The following SHROOM1 variants were observed in gnomAD, a reference collection of about 807,000 sequenced individuals.
SHROOM1 encodes the protein protein Shroom1.
A neutral mutation model predicts 64.2 loss-of-function variants in SHROOM1; 53 were observed. The ratio of observed to expected loss-of-function variants is 0.83; its 90% confidence interval spans 0.66 to 1.04. SHROOM1 has a LOEUF of 1.04. SHROOM1 is among the 50% of genes least tolerant of loss of function. SHROOM1 has a pLI of 0.00. For synonymous variants in SHROOM1, 490 were observed against 518.9 expected (o/e 0.94, Z 0.76); for missense variants, 1,179 against 1,163.2 (o/e 1.01, Z -0.20).
Position 132,824,669 on chromosome 5 carries a change from A to T in SHROOM1, c.1187T>A (p.Leu396Gln). Residue 396 changes from leucine to glutamine, a missense_variant, in exon 6 of 10, where the codon CTG becomes CAG. By Grantham distance (113) the Leu-to-Gln change is moderately radical. Coordinates refer to ENST00000378679, the MANE Select transcript of SHROOM1 (RefSeq NM_001172700.2). ...PDEVFLEEAP[L>Q]VRMRSPPDPH... ...GTCTGGTGGTGATCTCATTCTGACC[A>T]GTGGGGCCTCTTCTAGGAACACTTC... 6.2e-7 allele frequency: 1 copy of T among 1,613,960 alleles called. No homozygotes were observed. The highest frequency in any genetic ancestry group is 8.5e-7 in the Non-Finnish European group (1 of 1,179,980).
In SHROOM1 at chr5:132,825,767, GCGGCCTCCGCCT is replaced by G; in HGVS notation, c.362_373del (p.Glu121_Ala124del). The G allele has an allele frequency of 3.2e-6, 4 of 1,242,128 alleles. No individual in the cohort carries two copies. Among genetic ancestry groups the G allele is most frequent in the Non-Finnish European group, 4.0e-6 (4 of 996,270 alleles). 76.9% of individuals were successfully genotyped at this position (1,242,128 alleles called of 1,614,324 possible). On this transcript the variant is annotated inframe_deletion, in exon 4 of 10. Transcript: ENST00000378679. This position sits in a 1 kb window ranked among gnomAD's most constrained non-coding sequence, Gnocchi z 5.1. ...GCTGGGCGGCTCGGCAGCCTGCGCC[GCGGCCTCCGCCT>G]CGGCCGCCAGCGCGTACAGCAGCGG... is the stretch of plus-strand genomic sequence containing the variant.
rs368508788 is a variant in SHROOM1, at chr5:132,823,511, G to A, written c.1965C>T (p.Ala655=). The A allele has an allele frequency of 3.9e-5, 63 of 1,600,566 alleles. No individual in the cohort carries two copies. The Admixed American group carries it at 8.4e-4, about 21-fold the overall frequency. The stretch of plus-strand genomic sequence containing the variant: ...CCTGAAGCATCTTTTGGAGGCGGGC[G>A]GCCAGCTCCACCTACAGGGAAGGCT... ...NSIQGKKVEL[A]ARLQKMLQDL... Residue 655 remains alanine (A), a synonymous_variant, in exon 9 of 10, where the codon GCC becomes GCT. Coordinates refer to ENST00000378679, the MANE Select transcript of SHROOM1 (RefSeq NM_001172700.2). The surrounding 1 kb of genome is among the most constrained non-coding windows in gnomAD (Gnocchi z 4.6).
chr5:132,822,762 T>C lies in SHROOM1; in HGVS notation c.*34A>G. The C allele has an allele frequency of 8.5e-6, 13 of 1,530,808 alleles. No homozygotes were observed. The highest frequency in any genetic ancestry group is 1.4e-5 in the African/African-American group (1 of 73,152). The allele number at this position is 1,530,808 out of a possible 1,614,324, so 94.8% of individuals were successfully genotyped here. A position where few individuals can be genotyped will look rare whatever the true frequency, so the allele number is the denominator to read the frequency against. ...TCACCCCACTTACGTGGGTGAGAGATAGGGGCGGTGCACCCCACCCTCTCC... is the reference window on the plus strand; with the variant it reads ...TCACCCCACTTACGTGGGTGAGAGACAGGGGCGGTGCACCCCACCCTCTCC... On this transcript the variant is annotated 3_prime_UTR_variant, in exon 10 of 10. Coordinates refer to ENST00000378679, the MANE Select transcript of SHROOM1 (RefSeq NM_001172700.2).
chr5:132,830,204 C>T lies in SHROOM1; in HGVS notation c.-501+390G>A. ...TCGGGGAAGGATCGCGCGCAGGGGA[C>T]AGCGCGAGCCCGGGAGGGAAGGACC... On this transcript the variant is annotated intron_variant, in intron 1 of 9. Coordinates refer to ENST00000378679, the MANE Select transcript of SHROOM1 (RefSeq NM_001172700.2). This position sits in a 1 kb window ranked among gnomAD's most constrained non-coding sequence, Gnocchi z 5.9. The T allele has an allele frequency of 1.0e-6, 1 of 985,304 alleles. No homozygotes were observed. Among genetic ancestry groups the T allele is most frequent in the Non-Finnish European group, 1.2e-6 (1 of 829,890 alleles). The allele number at this position is 985,304 out of a possible 1,614,324, so 61.0% of individuals were successfully genotyped here. A position where few individuals can be genotyped will look rare whatever the true frequency, so the allele number is the denominator to read the frequency against.
At position 132,826,074 on chromosome 5, in the gene SHROOM1, A is replaced by T; in HGVS notation, c.67T>A (p.Trp23Arg). 1 of 1,443,282 alleles carries T rather than the reference A, an allele frequency of 6.9e-7. No individual in the cohort carries two copies. Among genetic ancestry groups the T allele is most frequent in the Non-Finnish European group, 9.1e-7 (1 of 1,098,792 alleles). The allele number at this position is 1,443,282 out of a possible 1,614,324, so 89.4% of individuals were successfully genotyped here. Residue 23 changes from tryptophan to arginine, a missense_variant, in exon 4 of 10, where the codon TGG becomes AGG. Coordinates refer to ENST00000378679, the MANE Select transcript of SHROOM1 (RefSeq NM_001172700.2). ...PASSTSSLDL[W>R]HLSMRADSAY... ...GAGTCCGCGCGCATGGACAGATGCC[A>T]CAGGTCCAGGCTGCTAGTGGACGAG...
rs1758800881 is a variant in SHROOM1, at chr5:132,830,010, G to A, written c.-501+584C>T. On this transcript the variant is annotated intron_variant, in intron 1 of 9. Transcript: ENST00000378679. This position sits in a 1 kb window ranked among gnomAD's most constrained non-coding sequence, Gnocchi z 5.9. ...GACACCCGGGGAGAGGCGGCCGCGG[G>A]CGTGGACAGACCCGGTTACCTGGGG... is the stretch of plus-strand genomic sequence containing the variant. 1 of 985,432 alleles carries A rather than the reference G, an allele frequency of 1.0e-6. No individual in the cohort carries two copies. The highest frequency in any genetic ancestry group is 1.2e-6 in the Non-Finnish European group (1 of 829,914). 61.0% of individuals were successfully genotyped at this position (985,432 alleles called of 1,614,324 possible).
chr5:132,823,225 C>G lies in SHROOM1; in HGVS notation c.2226+25G>C. 1 of 1,577,042 alleles carries G rather than the reference C, an allele frequency of 6.3e-7. No homozygotes were observed. The highest frequency in any genetic ancestry group is 1.1e-5 in the South Asian group (1 of 88,236). On this transcript the variant is annotated intron_variant, in intron 9 of 9. Transcript: ENST00000378679. The surrounding 1 kb of genome is among the most constrained non-coding windows in gnomAD (Gnocchi z 4.6). ...ACAGCAGGCCCCTCACCGCCCTACT[C>G]GCTTGCAACCTGAACCCCTTTTACC...
chr5:132,824,594 T>C lies in SHROOM1; in HGVS notation c.1241+21A>G, dbSNP rs745582946. On this transcript the variant is annotated intron_variant, in intron 6 of 9. Coordinates refer to ENST00000378679, the MANE Select transcript of SHROOM1 (RefSeq NM_001172700.2). Reference sequence around the variant, plus strand: ...TGTGTCAGGGGGTGCCTCACGATGCTTGGAAGCAAGAGGGAATTACCTGGC... The same window carrying C: ...TGTGTCAGGGGGTGCCTCACGATGCCTGGAAGCAAGAGGGAATTACCTGGC... 10 of 1,599,396 alleles carry C rather than the reference T, an allele frequency of 6.3e-6. No individual in the cohort carries two copies. The East Asian group carries it at 2.2e-4, about 36-fold the overall frequency.
rs185134605 is a variant in SHROOM1, at chr5:132,824,441, A to G, written c.1242-22T>C. ...GACACTGGAAGCAGAAAAGACACTG[A>G]ATCAGAAAAAGCTCCAGCCACAAAC... On this transcript the variant is annotated intron_variant, in intron 6 of 9. Coordinates refer to ENST00000378679, the MANE Select transcript of SHROOM1 (RefSeq NM_001172700.2). The G allele has an allele frequency of 6.8e-5, 104 of 1,522,792 alleles. No individual in the cohort carries two copies. The African/African-American group carries it at 1.2e-3, about 17-fold the overall frequency. The allele number at this position is 1,522,792 out of a possible 1,614,324, so 94.3% of individuals were successfully genotyped here.
chr5:132,823,410 G>A lies in SHROOM1; in HGVS notation c.2066C>T (p.Ala689Val). 1.9e-6 allele frequency: 3 copies of A among 1,611,004 alleles called. No individual in the cohort carries two copies. Among genetic ancestry groups the A allele is most frequent in the South Asian group, 2.2e-5 (2 of 91,052 alleles). Residue 689 changes from alanine (A) to valine (V), a missense_variant, in exon 9 of 10, where the codon GCA becomes GTA. Ala to Val is a moderately conservative substitution (Grantham distance 64). Coordinates refer to ENST00000378679, the MANE Select transcript of SHROOM1 (RefSeq NM_001172700.2). This position sits in a 1 kb window ranked among gnomAD's most constrained non-coding sequence, Gnocchi z 4.6. Reference sequence around the variant, plus strand: ...CTGAGGGGCACAGGCCTGGCGCACTGCAGCCTCCAGAGCCGCTTGGCGCCT... The same window carrying A: ...CTGAGGGGCACAGGCCTGGCGCACTACAGCCTCCAGAGCCGCTTGGCGCCT... ...WARRQAALEA[A>V]VRQACAPQEL...
chr5:132,825,633 G>C lies in SHROOM1; in HGVS notation c.508C>G (p.Arg170Gly). The change falls in exon 4 of 10, where the codon CGT (arginine) becomes GGT (glycine). Residue 170 changes from arginine to glycine, a missense_variant. Arg to Gly is a moderately radical substitution (Grantham distance 125). Coordinates refer to ENST00000378679, the MANE Select transcript of SHROOM1 (RefSeq NM_001172700.2). This position sits in a 1 kb window ranked among gnomAD's most constrained non-coding sequence, Gnocchi z 5.1. ...RKELRMSLPA[R>G]LRPTVPARPP... ...CGCGCTGGGACAGTGGGCCGCAGAC[G>C]GGCGGGCAGGCTCATGCGGAGCTCC... is the stretch of plus-strand genomic sequence containing the variant. The C allele has an allele frequency of 7.4e-7, 1 of 1,344,982 alleles. No homozygotes were observed. Among genetic ancestry groups the C allele is most frequent in the South Asian group, 1.9e-5 (1 of 52,548 alleles). 83.3% of individuals were successfully genotyped at this position (1,344,982 alleles called of 1,614,324 possible). A position where few individuals can be genotyped will look rare whatever the true frequency, so the allele number is the denominator to read the frequency against.
rs1158819390 is a variant in SHROOM1, at chr5:132,823,787, C to G, written c.1812-23G>C. ...GACCTGGGAACAAAACCAGAGCTCC[C>G]TGGGTTTCCTGTCCCCAACTTCAGG... is the stretch of plus-strand genomic sequence containing the variant. On this transcript the variant is annotated intron_variant, in intron 7 of 9. Transcript: ENST00000378679. The surrounding 1 kb of genome is among the most constrained non-coding windows in gnomAD (Gnocchi z 4.6). 1 of 1,537,798 alleles carries G rather than the reference C, an allele frequency of 6.5e-7. No individual in the cohort carries two copies. Among genetic ancestry groups the G allele is most frequent in the Non-Finnish European group, 8.7e-7 (1 of 1,142,888 alleles).
In SHROOM1 at chr5:132,824,187, G is replaced by A. The variant is rs758794439; in HGVS notation, c.1474C>T (p.Pro492Ser). 4 of 1,614,248 alleles carry A rather than the reference G, an allele frequency of 2.5e-6. No individual in the cohort carries two copies. In the South Asian group the frequency reaches 4.4e-5, roughly 18 times the overall value. The change falls in exon 7 of 10, where the codon CCC (proline) becomes TCC (serine). Residue 492 changes from proline (P) to serine (S), a missense_variant. Transcript: ENST00000378679. Reference protein sequence around the residue: ...IDPTGLTTNPPTAAESDLLKP... With the variant: ...IDPTGLTTNPSTAAESDLLKP... Reference sequence around the variant, plus strand: ...AGGAGGTCACTCTCTGCAGCTGTGGGGGGATTGGTGGTCAGTCCAGTGGGG... The same window carrying A: ...AGGAGGTCACTCTCTGCAGCTGTGGAGGGATTGGTGGTCAGTCCAGTGGGG...
chr5:132,822,818 G>A lies in SHROOM1; in HGVS notation c.2537C>T (p.Pro846Leu). Reference protein sequence around the residue: ...PPGTCPPVQPPFPLLLT With the variant: ...PPGTCPPVQPLFPLLLT ...TAACTATGTAAGGAGAAGAGGGAAG[G>A]GCGGCTGAACTGGAGGACAGGTCCC... Residue 846 changes from proline to leucine, a missense_variant, in exon 10 of 10, where the codon CCC becomes CTC. Coordinates refer to ENST00000378679, the MANE Select transcript of SHROOM1 (RefSeq NM_001172700.2). 1 of 1,609,262 alleles carries A rather than the reference G, an allele frequency of 6.2e-7. No homozygotes were observed.
rs370220599 is a variant in SHROOM1, at chr5:132,826,190, A to G, written c.-42-8T>C. 5.5e-5 allele frequency: 71 copies of G among 1,286,874 alleles called. No homozygotes were observed. In the East Asian group the frequency reaches 2.0e-3, roughly 36 times the overall value. The allele number at this position is 1,286,874 out of a possible 1,614,324, so 79.7% of individuals were successfully genotyped here. On this transcript the variant is annotated splice_polypyrimidine_tract_variant and splice_region_variant and intron_variant, in intron 3 of 9. Transcript: ENST00000378679. The stretch of plus-strand genomic sequence containing the variant: ...TGGGTGGCTGCGTGGGTCCTGGGAA[A>G]ACACAGATGTGGTGCCGGGTGAGGA...
chr5:132,824,185 G>C lies in SHROOM1; in HGVS notation c.1476C>G (p.Pro492=), dbSNP rs750951061. ...TGAGGAGGTCACTCTCTGCAGCTGT[G>C]GGGGGATTGGTGGTCAGTCCAGTGG... ...IDPTGLTTNP[P]TAAESDLLKP... Residue 492 remains proline, a synonymous_variant, in exon 7 of 10, where the codon CCC becomes CCG. Transcript: ENST00000378679. 12 of 1,614,128 alleles carry C rather than the reference G, an allele frequency of 7.4e-6. No homozygotes were observed. The highest frequency in any genetic ancestry group is 6.7e-5 in the East Asian group (3 of 44,904).
Position 132,822,844 on chromosome 5 carries a change from T to C in SHROOM1, c.2511A>G (p.Pro837=). ...GCGGCTGAACTGGAGGACAGGTCCC[T>C]GGGGGCCGCGCCGGGCTGGGAGACG... ...HAPSPSPARP[P]GTCPPVQPPF... Residue 837 remains proline (P), a synonymous_variant, in exon 10 of 10, where the codon CCA becomes CCG. Transcript: ENST00000378679. 1 of 1,612,814 alleles carries C rather than the reference T, an allele frequency of 6.2e-7. No individual in the cohort carries two copies. Among genetic ancestry groups the C allele is most frequent in the Non-Finnish European group, 8.5e-7 (1 of 1,179,694 alleles).
At position 132,822,933 on chromosome 5, in the gene SHROOM1, C is replaced by CGTCCAGGTTGCGCTGCTG. The variant is rs1581226802; in HGVS notation, c.2404_2421dup (p.Gln802_Asp807dup). ...TGGTCCTGAAGGAGGCGGATGCGCT[C>CGTCCAGGTTGCGCTGCTG]GTCCAGGTTGCGCTGCTGGGCCAGG... On this transcript the variant is annotated inframe_insertion, in exon 10 of 10. Transcript: ENST00000378679. 6 of 1,612,842 alleles carry CGTCCAGGTTGCGCTGCTG rather than the reference C, an allele frequency of 3.7e-6. No individual in the cohort carries two copies. The East Asian group carries it at 1.3e-4, about 36-fold the overall frequency.
intron 1 of SHROOM1, among the ~76,000 whole-genome samples, chr5:132,829,021 T>C (rs1245169533): frequency 6.6e-6 from 1 of 152,174 alleles, no homozygotes. Context: ...TCAGTGGCAG[T>C]GGTACCTGTG....
Sources: allele counts gnomAD v4.1 joint callset (sites outside exome capture counted in the v4.1 genomes callset), GRCh38; gene constraint gnomAD v4.1.1; non-coding constraint Gnocchi (gnomAD v3.1); transcripts MANE v1.5; gene names NCBI Gene and HGNC (gene_info 2026-07-23, HGNC 2026-07-21).